PARD3B: variants seen among roughly 807,000 people sequenced by gnomAD.
PARD3B encodes the protein par-3 family cell polarity regulator beta.
Under a neutral mutation model 130.2 loss-of-function variants are expected in PARD3B, and 103 were observed. The ratio of observed to expected loss-of-function variants is 0.79; its 90% CI spans 0.67 to 0.93. PARD3B has a LOEUF of 0.93. Among genes scored for constraint, PARD3B ranks in the 40% least tolerant of loss-of-function variants. The pLI is 0.00. For synonymous variants in PARD3B, 583 were observed against 553.2 expected (o/e 1.05, Z -0.76); for missense variants, 1,609 against 1,499.2 (o/e 1.07, Z -1.21).
At chr2:205,451,077 C>T (rs1002642303) in intron 20 of PARD3B, among the ~76,000 whole-genome samples, 2 of 152,194 alleles carry the variant, frequency 1.3e-5, no homozygotes, top group African/African-American at 4.8e-5. Context: ...GAAAACTCAG[C>T]TGATACACAT....
intron 1 of PARD3B, among the ~76,000 whole-genome samples, chr2:204,608,473 G>C (rs1437853976): frequency 6.6e-6 from 1 of 152,164 alleles, no homozygotes; most frequent in Non-Finnish European, 1.5e-5. Context: ...TTTGCTCCCA[G>C]AATCTCAAGC....
At chr2:205,512,133 CT>C (rs2050610689) in intron 21 of PARD3B, among the ~76,000 whole-genome samples, 1 of 152,148 alleles carries the variant, frequency 6.6e-6, no homozygotes, top group Non-Finnish European at 1.5e-5. Flanking sequence ...AAAATGACCA[CT>C]TTTGAATACG....
At position 205,280,627 on chromosome 2, in the gene PARD3B, T is replaced by C. The variant is rs2041152179; in HGVS notation, c.2186-19903T>C. Among the ~76,000 whole-genome samples the C allele has an allele frequency of 6.6e-6, 1 of 152,220 alleles. No individual in the cohort carries two copies. The highest frequency in any genetic ancestry group is 2.4e-5 in the African/African-American group (1 of 41,450). On this transcript the variant is annotated intron_variant, in intron 16 of 22. Coordinates refer to ENST00000406610, the MANE Select transcript of PARD3B (RefSeq NM_001302769.2). The surrounding 1 kb of genome is among the most constrained non-coding windows in gnomAD (Gnocchi z 4.7). Reference sequence around the variant, plus strand: ...TTGTCTCCCCAGATCAAGCTGTGTTTGTCTTATTTGTACATTTATAGTAAA... The same window carrying C: ...TTGTCTCCCCAGATCAAGCTGTGTTCGTCTTATTTGTACATTTATAGTAAA...
chr2:204,980,112 T>C (rs1031252507), intron 3 of PARD3B, among the ~76,000 whole-genome samples: 1 of 152,020 alleles, frequency 6.6e-6, no homozygotes, highest in African/African-American at 2.4e-5. Context: ...CATAAATAAC[T>C]CCTAAAAGTC....
chr2:205,194,594 G>C (rs1162077359), intron 15 of PARD3B, among the ~76,000 whole-genome samples: 1 of 152,072 alleles, frequency 6.6e-6, no homozygotes, highest in South Asian at 2.1e-4. Context: ...GATCAAAACT[G>C]CTCTTATTTT....
At chr2:204,977,538 G>A (rs944112009) in intron 3 of PARD3B, among the ~76,000 whole-genome samples, 2 of 151,888 alleles carry the variant, frequency 1.3e-5, no homozygotes, top group African/African-American at 4.8e-5. Context: ...GGCCGGGCGC[G>A]GTGGCTCACG....
At chr2:204,570,038 G>T (rs986387293) in intron 1 of PARD3B, among the ~76,000 whole-genome samples, 1 of 152,228 alleles carries the variant, frequency 6.6e-6, no homozygotes, top group Admixed American at 6.5e-5. Context: ...TCAGAGTAAT[G>T]GTTCCAATGA....
chr2:205,062,466 T>C (rs1700118977), intron 4 of PARD3B, among the ~76,000 whole-genome samples: 1 of 151,822 alleles, frequency 6.6e-6, no homozygotes, highest in South Asian at 2.1e-4. Context: ...CCAGAAAGAG[T>C]GATTTATAAT....
Position 204,887,658 on chromosome 2 carries a change from T to A in PARD3B, c.223-77494T>A, listed in dbSNP as rs534082505. On this transcript the variant is annotated intron_variant, in intron 2 of 22. Transcript: ENST00000406610. The surrounding 1 kb of genome is among the most constrained non-coding windows in gnomAD (Gnocchi z 4.2). ...TTTAACAGTATTAACAGAGCACTATTCTATATGCAGCGCCATTTCATACCC... is the reference window on the plus strand; with the variant it reads ...TTTAACAGTATTAACAGAGCACTATACTATATGCAGCGCCATTTCATACCC... Among the ~76,000 whole-genome samples the A allele has an allele frequency of 6.6e-6, 1 of 152,242 alleles. No individual in the cohort carries two copies. The highest frequency in any genetic ancestry group is 1.9e-4 in the East Asian group (1 of 5,178).
intron 3 of PARD3B, among the ~76,000 whole-genome samples, chr2:205,018,722 C>CAAAAAAAAAAAAAAAAAAAAA (rs5837948): frequency 4.6e-5 from 2 of 43,152 alleles, no homozygotes; most frequent in African/African-American, 1.9e-4. Context: ...GCAGTATAAG[C>CAAAAAAAAAAAAAAAAAAAAA]AAAAAAAAAA....
intron 15 of PARD3B, among the ~76,000 whole-genome samples, chr2:205,216,486 C>T (rs993362697): frequency 5.3e-5 from 8 of 151,496 alleles, no homozygotes; most frequent in African/African-American, 1.9e-4. Flanking sequence ...AAATCTTTAC[C>T]ACAAATATGT....
Position 204,545,701 on chromosome 2 carries a change from A to C in PARD3B, c.-299A>C. ...CGCGGAGCAGCCGCCTGGGCCGGGCAGGAGTAGGAGCGGGAGGAGGAGGAG... is the reference window on the plus strand; with the variant it reads ...CGCGGAGCAGCCGCCTGGGCCGGGCCGGAGTAGGAGCGGGAGGAGGAGGAG... On this transcript the variant is annotated 5_prime_UTR_variant, in exon 1 of 23. Transcript: ENST00000406610. The C allele has an allele frequency of 1.5e-5, 4 of 258,146 alleles. No homozygotes were observed. Among genetic ancestry groups the C allele is most frequent in the Non-Finnish European group, 1.4e-5 (2 of 139,568 alleles). The allele number at this position is 258,146 out of a possible 1,614,324, so 16.0% of individuals were successfully genotyped here.
chr2:204,873,234 A>G (rs2045700416), intron 2 of PARD3B, among the ~76,000 whole-genome samples: 1 of 152,164 alleles, frequency 6.6e-6, no homozygotes, highest in Non-Finnish European at 1.5e-5. Flanking sequence ...CTTGCTTTAC[A>G]CACAATTTGA....
chr2:205,492,265 C>T (rs779391004), intron 20 of PARD3B, among the ~76,000 whole-genome samples: 12 of 152,110 alleles, frequency 7.9e-5, no homozygotes, highest in Non-Finnish European at 1.8e-4. Flanking sequence ...GAAATAAAAG[C>T]AGATTTTACA....
At chr2:204,960,725 TA>T (rs1474798954) in intron 2 of PARD3B, among the ~76,000 whole-genome samples, 1 of 152,162 alleles carries the variant, frequency 6.6e-6, no homozygotes, top group Non-Finnish European at 1.5e-5. Flanking sequence ...CCAATGGGGA[TA>T]CACAATCAAT....
intron 2 of PARD3B, among the ~76,000 whole-genome samples, chr2:204,847,448 C>A (rs1336025612): frequency 6.6e-6 from 1 of 152,122 alleles, no homozygotes; most frequent in Non-Finnish European, 1.5e-5. Flanking sequence ...AGTTGTCCCC[C>A]TTTATCTATA....
At chr2:204,753,153 G>A (rs538887774) in intron 2 of PARD3B, among the ~76,000 whole-genome samples, 2 of 152,266 alleles carry the variant, frequency 1.3e-5, no homozygotes, top group South Asian at 2.1e-4. Flanking sequence ...TTACCTGCTT[G>A]TAGTTTATAT....
intron 3 of PARD3B, among the ~76,000 whole-genome samples, chr2:204,989,101 T>A (rs761933153): frequency 1.3e-5 from 2 of 152,080 alleles, no homozygotes; most frequent in Non-Finnish European, 2.9e-5. Flanking sequence ...AATGTAATGT[T>A]AAGGGGGGTA....
intron 1 of PARD3B, among the ~76,000 whole-genome samples, chr2:204,684,257 G>C (rs959311467): frequency 2.6e-5 from 4 of 152,050 alleles, no homozygotes; most frequent in Non-Finnish European, 5.9e-5. Context: ...ATAGATGCCT[G>C]CTTTTAAGTA....
Sources: allele counts gnomAD v4.1 joint callset (sites outside exome capture counted in the v4.1 genomes callset), GRCh38; gene constraint gnomAD v4.1.1; non-coding constraint Gnocchi (gnomAD v3.1); transcripts MANE v1.5; gene names NCBI Gene and HGNC (gene_info 2026-07-23, HGNC 2026-07-21).